BRWD3: variants seen among roughly 807,000 people sequenced by gnomAD.
The protein encoded by BRWD3 is bromodomain and WD repeat-containing protein 3.
BRWD3 carries 10 observed loss-of-function variants against 149.7 expected under a neutral mutation model. That is an observed-to-expected ratio of 0.07 (90% confidence interval 0.04 to 0.11). The LOEUF (loss-of-function observed/expected upper bound fraction) is 0.11, where lower values mean the gene tolerates loss of function less well. BRWD3 is among the 10% of genes least tolerant of loss of function. BRWD3 has a pLI of 1.00. For missense variants in BRWD3, 940 were observed against 1,373.2 expected, an observed-to-expected ratio of 0.68 and a Z score of 4.99; for synonymous variants, 504 against 456.7, an observed-to-expected ratio of 1.10 and a Z score of -1.32.
At chrX:80,764,573 A>C (rs1157596893) in intron 6 of BRWD3, among the ~76,000 whole-genome samples, 6 of 109,244 alleles carry the variant, frequency 5.5e-5, no homozygotes, top group African/African-American at 1.7e-4. Flanking sequence ...TCGGCCTCCC[A>C]AAGTGCTGGG....
At chrX:80,780,787 T>C (rs1049921939) in intron 6 of BRWD3, among the ~76,000 whole-genome samples, 3 of 112,103 alleles carry the variant, frequency 2.7e-5, no homozygotes, top group African/African-American at 9.7e-5. Context: ...AAAAGTATGA[T>C]ACATAGGCAA....
intron 21 of BRWD3, among the ~76,000 whole-genome samples, chrX:80,708,626 G>A (rs1208322426): frequency 1.8e-5 from 2 of 111,084 alleles, no homozygotes; most frequent in East Asian, 5.7e-4. Flanking sequence ...GATCAGCCTG[G>A]CCAACAGGGT....
chrX:80,742,070 C>T (rs1279228706), intron 8 of BRWD3, among the ~76,000 whole-genome samples: 1 of 111,292 alleles, frequency 9.0e-6, no homozygotes, highest in Non-Finnish European at 1.9e-5. Flanking sequence ...TTTAATCCAT[C>T]TTGAATTAAT....
chrX:80,753,796 T>C (rs1237046666), intron 6 of BRWD3, among the ~76,000 whole-genome samples: 1 of 111,972 alleles, frequency 8.9e-6, no homozygotes, highest in African/African-American at 3.3e-5. Flanking sequence ...TCCCAATGCA[T>C]GTTCTTGTCA....
intron 6 of BRWD3, among the ~76,000 whole-genome samples, chrX:80,789,414 C>T (rs912307353): frequency 1.2e-4 from 13 of 111,219 alleles, no homozygotes; most frequent in Non-Finnish European, 2.1e-4. Context: ...CTCGCTCTGT[C>T]GCCCAGGCTG....
At chrX:80,708,063 A>C (rs2147723240) in intron 21 of BRWD3, among the ~76,000 whole-genome samples, 1 of 112,238 alleles carries the variant, frequency 8.9e-6, no homozygotes, top group South Asian at 3.6e-4. Flanking sequence ...GATTTGTTTT[A>C]AAAGTACAAC....
chrX:80,798,622 G>A (rs1160230530), intron 4 of BRWD3, among the ~76,000 whole-genome samples: 1 of 101,045 alleles, frequency 9.9e-6, no homozygotes, highest in East Asian at 3.2e-4. Flanking sequence ...TGTATAATAC[G>A]GGGAAAAAAA....
intron 24 of BRWD3, among the ~76,000 whole-genome samples, chrX:80,701,226 C>T (rs748943681): frequency 4.3e-4 from 48 of 110,380 alleles, no homozygotes; most frequent in Non-Finnish European, 6.8e-4. Flanking sequence ...ATATTTATTA[C>T]AAAAAGTTTC....
chrX:80,678,330 T>C (rs2147668924), intron 40 of BRWD3, among the ~76,000 whole-genome samples: 1 of 111,903 alleles, frequency 8.9e-6, no homozygotes, highest in South Asian at 3.7e-4. Context: ...GAAGACTGAC[T>C]CCTAGGTTTT....
intron 6 of BRWD3, among the ~76,000 whole-genome samples, chrX:80,752,353 T>C (rs759659309): frequency 8.9e-6 from 1 of 111,785 alleles, no homozygotes; most frequent in African/African-American, 3.3e-5. Context: ...ATAGTGCCAT[T>C]ATAAACATAC....
At chrX:80,696,700 T>A in intron 26 of BRWD3, 39 bp downstream of exon 26, 1 of 1,197,856 alleles carries the variant, frequency 8.3e-7, no homozygotes, top group South Asian at 1.8e-5. Flanking sequence ...GGTATTAAAA[T>A]ACACACACTC....
At position 80,697,145 on chromosome X, in the gene BRWD3, G is replaced by A. The variant is rs142626919; in HGVS notation, c.2944-282C>T. ...CCTATAGAATCAAATTCTGTTTGGG[G>A]TATAGCTCGGTAATATATCTATTTT... On this transcript the variant is annotated intron_variant, in intron 25 of 40. Coordinates refer to ENST00000373275, the MANE Select transcript of BRWD3 (RefSeq NM_153252.5). Among the ~76,000 whole-genome samples the A allele has an allele frequency of 1.6e-4, 18 of 110,417 alleles. No individual in the cohort carries two copies. In the East Asian group the frequency reaches 5.1e-3, roughly 31 times the overall value.
At chrX:80,764,069 C>T (rs1272439785) in intron 6 of BRWD3, among the ~76,000 whole-genome samples, 1 of 112,010 alleles carries the variant, frequency 8.9e-6, no homozygotes, top group African/African-American at 3.2e-5. Context: ...CATAAATTTT[C>T]TTAACTGATT....
chrX:80,789,816 A>T (rs187127487), intron 6 of BRWD3, among the ~76,000 whole-genome samples: 352 of 106,802 alleles, frequency 3.3e-3, no homozygotes, highest in Non-Finnish European at 5.4e-3. Context: ...TTGACCATGG[A>T]ACTCCTTTTT....
chrX:80,675,320 T>C lies in BRWD3; in HGVS notation c.*1289A>G, dbSNP rs974271471. 3.6e-5 allele frequency: 4 copies of C among 111,807 alleles called. No homozygotes were observed. Among genetic ancestry groups the C allele is most frequent in the Non-Finnish European group, 7.5e-5 (4 of 53,110 alleles). 9.2% of individuals were successfully genotyped at this position (111,807 alleles called of 1,213,427 possible). On this transcript the variant is annotated 3_prime_UTR_variant, in exon 41 of 41. Transcript: ENST00000373275. Reference sequence around the variant, plus strand: ...GAATGATATGAGCAGAATCTATAAGTTGATTCATAATACTAGCTAGCCAAA... The same window carrying C: ...GAATGATATGAGCAGAATCTATAAGCTGATTCATAATACTAGCTAGCCAAA...
At chrX:80,752,573 T>C (rs1205513518) in intron 6 of BRWD3, among the ~76,000 whole-genome samples, 7 of 112,158 alleles carry the variant, frequency 6.2e-5, no homozygotes, top group African/African-American at 2.3e-4. Context: ...TTTTTTAAAA[T>C]ATATATTTTT....
chrX:80,720,216 A>T (rs1215498855), intron 17 of BRWD3, among the ~76,000 whole-genome samples: 2 of 111,369 alleles, frequency 1.8e-5, no homozygotes, highest in African/African-American at 6.5e-5. Flanking sequence ...AAAAAATTGC[A>T]CTGTAAAACA....
chrX:80,791,162 A>G (rs1052596672), intron 6 of BRWD3, among the ~76,000 whole-genome samples: 3 of 112,194 alleles, frequency 2.7e-5, no homozygotes, highest in South Asian at 3.6e-4. Flanking sequence ...ATATTTTTCT[A>G]TCTGAAATTC....
At position 80,704,810 on chromosome X, in the gene BRWD3, A is replaced by G; in HGVS notation, c.2589T>C (p.Asp863=). ...SSSEYSDWTA[D]AGINLQPPKR... ...TTGGGGGTTGTAAATTTATTCCAGC[A>G]TCTGCTGTCCAATCAGAATATTCAC... Residue 863 remains aspartate (D), a synonymous_variant, in exon 23 of 41, where the codon GAT becomes GAC. Coordinates refer to ENST00000373275, the MANE Select transcript of BRWD3 (RefSeq NM_153252.5). 8.3e-7 allele frequency: 1 copy of G among 1,210,821 alleles called. No homozygotes were observed. The highest frequency in any genetic ancestry group is 3.0e-5 in the East Asian group (1 of 33,834).
Sources: gnomAD v4.1 joint callset for allele counts (sites outside exome capture counted in the v4.1 genomes callset) on GRCh38, gnomAD v4.1.1 for gene constraint, MANE v1.5 for transcripts, NCBI Gene and HGNC (gene_info 2026-07-23, HGNC 2026-07-21) for gene names.